Variants in GALNTL6 observed in about 807,000 individuals in gnomAD.
The protein encoded by GALNTL6 is polypeptide N-acetylgalactosaminyltransferase-like 6.
GALNTL6 carries 46 observed loss-of-function variants against 73.7 expected under a neutral mutation model. The observed-to-expected ratio is 0.62, with a 90% CI of 0.49 to 0.80. GALNTL6 has a LOEUF of 0.80. GALNTL6 is among the 30% of genes least tolerant of loss of function. The pLI is 0.00. For synonymous variants in GALNTL6, 259 were observed against 263.7 expected, an observed-to-expected ratio of 0.98 and a Z score of 0.17; for missense variants, 604 against 755.0, an observed-to-expected ratio of 0.80 and a Z score of 2.34.
chr4:172,575,280 A>G (rs1736918535), intron 5 of GALNTL6, among the ~76,000 whole-genome samples: 1 of 152,174 alleles, frequency 6.6e-6, no homozygotes, highest in South Asian at 2.1e-4. Flanking sequence ...CCTTACTGCA[A>G]ACATTGTTAT....
At chr4:172,310,429 C>A (rs888943353) in intron 3 of GALNTL6, among the ~76,000 whole-genome samples, 2 of 151,996 alleles carry the variant, frequency 1.3e-5, no homozygotes, top group Non-Finnish European at 2.9e-5. Flanking sequence ...TGCCACCACG[C>A]CTGCCTAATT....
At chr4:171,975,264 G>C (rs901628015) in intron 2 of GALNTL6, among the ~76,000 whole-genome samples, 1 of 152,080 alleles carries the variant, frequency 6.6e-6, no homozygotes, top group African/African-American at 2.4e-5. Context: ...TTTGAAATTA[G>C]CACCCAGGAT....
Position 171,982,588 on chromosome 4 carries a change from G to A in GALNTL6, c.138+167870G>A, listed in dbSNP as rs185426785. Among the ~76,000 whole-genome samples the A allele has an allele frequency of 4.9e-3, 752 of 152,176 alleles. 3 individuals carry two copies. The highest frequency in any genetic ancestry group is 0.017 in the African/African-American group (704 of 41,502). On this transcript the variant is annotated intron_variant, in intron 2 of 12. Transcript: ENST00000506823. The stretch of plus-strand genomic sequence containing the variant: ...GCTGGGATTACAAGCATGAGCCACC[G>A]CGCCCGACCGAAAGTACTTTCGTTT...
At chr4:172,208,867 C>T (rs1490375469) in intron 2 of GALNTL6, among the ~76,000 whole-genome samples, 1 of 152,024 alleles carries the variant, frequency 6.6e-6, no homozygotes, top group Non-Finnish European at 1.5e-5. Context: ...GAACCATTAT[C>T]TTCAAATAAT....
intron 11 of GALNTL6, among the ~76,000 whole-genome samples, chr4:173,016,971 A>G (rs1752807854): frequency 6.6e-6 from 1 of 152,070 alleles, no homozygotes; most frequent in African/African-American, 2.4e-5. Flanking sequence ...CATGACAGTG[A>G]GTGAGTTCTC....
At chr4:171,843,480 C>CA (rs368318884) in intron 2 of GALNTL6, among the ~76,000 whole-genome samples, 183 of 142,408 alleles carry the variant, frequency 1.3e-3, no homozygotes, top group African/African-American at 1.8e-3. Flanking sequence ...AGACAAATGC[C>CA]AAAAAAAAAA....
At chr4:172,688,275 T>C (rs955286150) in intron 5 of GALNTL6, among the ~76,000 whole-genome samples, 2 of 152,236 alleles carry the variant, frequency 1.3e-5, no homozygotes, top group Admixed American at 6.5e-5. Flanking sequence ...GGAATGTTTC[T>C]TTTATGAATT....
chr4:172,089,747 A>G (rs1732146487), intron 2 of GALNTL6, among the ~76,000 whole-genome samples: 1 of 152,082 alleles, frequency 6.6e-6, no homozygotes, highest in African/African-American at 2.4e-5. Flanking sequence ...ACATGTGAAG[A>G]AAGTGCAGGT....
intron 10 of GALNTL6, among the ~76,000 whole-genome samples, chr4:172,974,352 G>A (rs568167687): frequency 1.3e-5 from 2 of 152,170 alleles, no homozygotes; most frequent in East Asian, 3.9e-4. Context: ...CCATTTCTCA[G>A]TGTTGGAGCA....
chr4:171,863,535 A>G (rs1276527928), intron 2 of GALNTL6, among the ~76,000 whole-genome samples: 3 of 152,196 alleles, frequency 2.0e-5, no homozygotes, highest in African/African-American at 7.2e-5. Context: ...TTCTCATTAC[A>G]TTCTTGGTGA....
chr4:172,707,843 G>A (rs768795924), intron 5 of GALNTL6, among the ~76,000 whole-genome samples: 3 of 152,048 alleles, frequency 2.0e-5, no homozygotes, highest in Non-Finnish European at 4.4e-5. Context: ...GGAAAGCCAT[G>A]GTGATCAGAT....
At chr4:172,894,272 G>A (rs979319639) in intron 8 of GALNTL6, among the ~76,000 whole-genome samples, 3 of 151,950 alleles carry the variant, frequency 2.0e-5, no homozygotes, top group Non-Finnish European at 4.4e-5. Context: ...TTCTTGAGGT[G>A]TATCACTAGG....
chr4:171,895,074 T>C (rs1239549368), intron 2 of GALNTL6, among the ~76,000 whole-genome samples: 1 of 152,222 alleles, frequency 6.6e-6, no homozygotes, highest in Non-Finnish European at 1.5e-5. Flanking sequence ...ATTTTAATTA[T>C]TGTTTTAAGT....
At chr4:172,297,833 G>A (rs1220870965) in intron 3 of GALNTL6, among the ~76,000 whole-genome samples, 8 of 151,884 alleles carry the variant, frequency 5.3e-5, no homozygotes, top group Non-Finnish European at 1.0e-4. Context: ...TTGGCAATGT[G>A]GGCTCTTTTT....
At chr4:171,911,324 T>C (rs1367018871) in intron 2 of GALNTL6, among the ~76,000 whole-genome samples, 2 of 152,228 alleles carry the variant, frequency 1.3e-5, no homozygotes, top group East Asian at 3.9e-4. Flanking sequence ...TACAACCAGC[T>C]AATTTTTGTA....
chr4:172,807,258 A>C (rs999693627), intron 5 of GALNTL6, among the ~76,000 whole-genome samples: 1 of 152,180 alleles, frequency 6.6e-6, no homozygotes, highest in African/African-American at 2.4e-5. Context: ...AGATAGCACA[A>C]TACTGCTTAT....
At chr4:171,847,957 A>G (rs2110855490) in intron 2 of GALNTL6, among the ~76,000 whole-genome samples, 1 of 152,328 alleles carries the variant, frequency 6.6e-6, no homozygotes, top group South Asian at 2.1e-4. Context: ...GATGACATCT[A>G]GAATGGTGAA....
At chr4:173,020,472 C>G (rs932244417) in intron 11 of GALNTL6, among the ~76,000 whole-genome samples, 1 of 152,118 alleles carries the variant, frequency 6.6e-6, no homozygotes, top group Admixed American at 6.5e-5. Context: ...CATGAAACTT[C>G]TGTTTCTATT....
intron 5 of GALNTL6, among the ~76,000 whole-genome samples, chr4:172,750,492 A>G (rs968171473): frequency 1.3e-5 from 2 of 152,154 alleles, no homozygotes; most frequent in African/African-American, 2.4e-5. Flanking sequence ...GAGGTACTCT[A>G]TTCCTCCTAG....
Sources: allele counts gnomAD v4.1 joint callset (sites outside exome capture counted in the v4.1 genomes callset), GRCh38; gene constraint gnomAD v4.1.1; transcripts MANE v1.5; gene names NCBI Gene and HGNC (gene_info 2026-07-23, HGNC 2026-07-21).